Variants in NPIPA5 observed in about 807,000 individuals in gnomAD.
NPIPA5 encodes the protein nuclear pore complex-interacting protein family member A5.
NPIPA5 carries 6 observed loss-of-function variants against 21.4 expected under a neutral mutation model. That is an observed-to-expected ratio of 0.28 (90% confidence interval 0.15 to 0.55). The LOEUF (loss-of-function observed/expected upper bound fraction) is 0.55. NPIPA5 is among the 20% of genes least tolerant of loss of function. The probability of loss-of-function intolerance (pLI) is 0.93; values close to 1 mark genes in which losing one functional copy is unlikely to be tolerated. For synonymous variants in NPIPA5, 33 were observed against 115.3 expected (o/e 0.29, Z 4.57); for missense variants, 99 against 318.2 (o/e 0.31, Z 5.24).
intron 1 of NPIPA5, among the ~76,000 whole-genome samples, chr16:15,377,557 G>C (rs2050332669): frequency 7.0e-6 from 1 of 142,594 alleles, no homozygotes. Context: ...AGGCAGCCAG[G>C]ACAGAGGTGG....
chr16:15,381,088 A>T (rs1354890826), upstream of NPIPA5: 1 of 1,539,334 alleles, frequency 6.5e-7, no homozygotes, highest in East Asian at 2.4e-5. Context: ...GTGCCAACCT[A>T]TTAGACAATT....
At chr16:15,377,106 T>C (rs2150883995) in intron 1 of NPIPA5, among the ~76,000 whole-genome samples, 1 of 152,040 alleles carries the variant, frequency 6.6e-6, no homozygotes, top group East Asian at 1.9e-4. Flanking sequence ...AACGTCCAGC[T>C]CCTGGGCCCA....
intron 1 of NPIPA5, among the ~76,000 whole-genome samples, chr16:15,374,400 T>C (rs2050235836): frequency 1.3e-5 from 2 of 151,818 alleles, no homozygotes; most frequent in Admixed American, 6.6e-5. Flanking sequence ...GGTTTCACCA[T>C]GTTGGCCAGT....
At chr16:15,370,383 AC>A (rs1168113007) in intron 2 of NPIPA5, among the ~76,000 whole-genome samples, 2 of 140,208 alleles carry the variant, frequency 1.4e-5, no homozygotes, top group African/African-American at 2.6e-5. Flanking sequence ...CCGAGATCAC[AC>A]CACTGCACTC....
At chr16:15,376,987 C>CA (rs1164476042) in intron 1 of NPIPA5, among the ~76,000 whole-genome samples, 19 of 151,684 alleles carry the variant, frequency 1.3e-4, no homozygotes, top group Admixed American at 1.2e-3. Flanking sequence ...AACAAACAAA[C>CA]AAAAAAGTCA....
At chr16:15,374,790 A>G (rs2050246366) in intron 1 of NPIPA5, among the ~76,000 whole-genome samples, 1 of 112,938 alleles carries the variant, frequency 8.9e-6, no homozygotes, top group South Asian at 3.6e-4. Context: ...GATTACAGGC[A>G]TGAGCCACTG....
intron 4 of NPIPA5, among the ~76,000 whole-genome samples, chr16:15,368,544 A>C (rs1257017810): frequency 6.6e-6 from 1 of 151,518 alleles, no homozygotes; most frequent in East Asian, 1.9e-4. Flanking sequence ...TGTGAAAATG[A>C]ATCTGGAGGT....
At chr16:15,380,918 A>C, upstream of NPIPA5, 1 of 1,250,270 alleles carries the variant, frequency 8.0e-7, no homozygotes, top group Non-Finnish European at 1.1e-6. Flanking sequence ...ATCTGTCTGC[A>C]CTCACTCACC....
At chr16:15,380,327 AT>A (rs201469564), upstream of NPIPA5, among the ~76,000 whole-genome samples, 650 of 140,522 alleles carry the variant, frequency 4.6e-3, 1 homozygote, top group East Asian at 0.018. Context: ...TTGCAGGATA[AT>A]TTTTTTTTTT....
Position 15,363,816 on chromosome 16 carries a change from G to C in NPIPA5, c.896C>G (p.Pro299Arg). Residue 299 changes from proline to arginine, a missense_variant, in exon 8 of 8, where the codon CCC (proline) becomes CGC (arginine). Around this residue, in one of 5 missense-constraint regions of NPIPA5, gnomAD observed 75 missense variants for 138.5 expected, o/e 0.54. Transcript: ENST00000360151. ...LLTPLPPSAL[P>R]SADDNLKTPA... ...TGTCTTGAGATTATCATCCGCTGAG[G>C]GTAGAGCTGAGGGTGGAAGGGGAGT... is the stretch of plus-strand genomic sequence containing the variant. The C allele has an allele frequency of 7.3e-7, 1 of 1,378,406 alleles. No individual in the cohort carries two copies. The highest frequency in any genetic ancestry group is 9.6e-7 in the Non-Finnish European group (1 of 1,036,334). 85.4% of individuals were successfully genotyped at this position (1,378,406 alleles called of 1,614,324 possible). A position where few individuals can be genotyped will look rare whatever the true frequency, so the allele number is the denominator to read the frequency against.
intron 4 of NPIPA5, among the ~76,000 whole-genome samples, chr16:15,367,086 G>A (rs1387237072): frequency 3.9e-5 from 6 of 152,070 alleles, no homozygotes; most frequent in Admixed American, 6.5e-5. Flanking sequence ...TCTTGTGCTT[G>A]ACACAGCAAA....
At chr16:15,371,812 A>G (rs2050163572) in intron 2 of NPIPA5, among the ~76,000 whole-genome samples, 1 of 143,422 alleles carries the variant, frequency 7.0e-6, no homozygotes. Flanking sequence ...CTGAAATAAT[A>G]TCTTTCAAAT....
chr16:15,379,613 G>A (rs981261246), upstream of NPIPA5, among the ~76,000 whole-genome samples: 1 of 151,424 alleles, frequency 6.6e-6, no homozygotes, highest in Non-Finnish European at 1.5e-5. Flanking sequence ...GTTAACAAAA[G>A]TATGGAATTC....
chr16:15,375,601 G>A (rs2050269588), intron 1 of NPIPA5, among the ~76,000 whole-genome samples: 1 of 148,514 alleles, frequency 6.7e-6, no homozygotes, highest in South Asian at 2.2e-4. Flanking sequence ...AATTAGCAGG[G>A]CATGGTGGCA....
At chr16:15,367,475 C>CT (rs2050008352) in intron 4 of NPIPA5, among the ~76,000 whole-genome samples, 1 of 151,980 alleles carries the variant, frequency 6.6e-6, no homozygotes, top group Non-Finnish European at 1.5e-5. Context: ...TGTTGACTGA[C>CT]TTTAACAAGG....
intron 1 of NPIPA5, among the ~76,000 whole-genome samples, chr16:15,377,550 C>A (rs1468653111): frequency 7.4e-6 from 1 of 135,090 alleles, no homozygotes; most frequent in African/African-American, 2.6e-5. Flanking sequence ...CTCCCTGAGG[C>A]AGCCAGGACA....
rs982389301 is a variant in NPIPA5 at position 15,366,843 on chromosome 16, T to C, written c.438-83A>G. 4 of 1,522,166 alleles carry C rather than the reference T, an allele frequency of 2.6e-6. No individual in the cohort carries two copies. The African/African-American group carries it at 4.2e-5, about 16-fold the overall frequency. The allele number at this position is 1,522,166 out of a possible 1,614,324, so 94.3% of individuals were successfully genotyped here. On this transcript the variant is annotated intron_variant, in intron 4 of 7. Coordinates refer to ENST00000360151, the MANE Select transcript of NPIPA5 (RefSeq NM_001277325.2). The stretch of plus-strand genomic sequence containing the variant: ...CCCTTCTGGCATCTGAAGGCTGTGA[T>C]TCAAAGATCCCCCCTGCAACCTTCC...
At position 15,363,638 on chromosome 16, in the gene NPIPA5, A is replaced by G. The variant is rs754876161; in HGVS notation, c.*21T>C. 3 of 1,501,308 alleles carry G rather than the reference A, an allele frequency of 2.0e-6. 1 individual carries two copies. Among genetic ancestry groups the G allele is most frequent in the Non-Finnish European group, 1.8e-6 (2 of 1,126,430 alleles). 93.0% of individuals were successfully genotyped at this position (1,501,308 alleles called of 1,614,324 possible). A position where few individuals can be genotyped will look rare whatever the true frequency, so the allele number is the denominator to read the frequency against. On this transcript the variant is annotated 3_prime_UTR_variant, in exon 8 of 8. Transcript: ENST00000360151. ...GGACTGCAGTATTCATTTTATTTTT[A>G]TATTATTTATTTATTCTTCATTAGT...
rs1598395718 is a variant in NPIPA5, at chr16:15,370,222, T to G, written c.193-103A>C. 5.1e-6 allele frequency: 3 copies of G among 593,938 alleles called. No homozygotes were observed. In the African/African-American group the frequency reaches 6.4e-5, roughly 13 times the overall value. 36.8% of individuals were successfully genotyped at this position (593,938 alleles called of 1,614,324 possible). ...GCAGGGTGGATCACGGGGTCAGGAG[T>G]TCAAGACCAGCCTGGCCAAGATGGT... On this transcript the variant is annotated intron_variant, in intron 2 of 7. Coordinates refer to ENST00000360151, the MANE Select transcript of NPIPA5 (RefSeq NM_001277325.2).
Sources: gnomAD v4.1 joint callset for allele counts (sites outside exome capture counted in the v4.1 genomes callset) on GRCh38, gnomAD v4.1.1 for gene constraint, gnomAD v4.1.1 regional missense constraint, MANE v1.5 for transcripts, NCBI Gene and HGNC (gene_info 2026-07-23, HGNC 2026-07-21) for gene names.